KATNIP: variants seen among roughly 807,000 people sequenced by gnomAD.
KATNIP encodes katanin-interacting protein.
In KATNIP, 126 loss-of-function variants were observed where a neutral mutation model predicts 174.0. The observed-to-expected ratio is 0.72, with a 90% CI of 0.63 to 0.84. The LOEUF (loss-of-function observed/expected upper bound fraction) is 0.84, where lower values mean the gene tolerates loss of function less well. Among genes scored for constraint, KATNIP ranks in the 40% least tolerant of loss-of-function variants. KATNIP has a pLI of 0.00. For synonymous variants in KATNIP, 810 were observed against 835.7 expected (o/e 0.97, Z 0.53); for missense variants, 1,958 against 2,109.7 (o/e 0.93, Z 1.41).
At chr16:27,578,462 C>A (rs2090578147) in intron 2 of KATNIP, among the ~76,000 whole-genome samples, 1 of 152,068 alleles carries the variant, frequency 6.6e-6, no homozygotes, top group Admixed American at 6.6e-5. Context: ...GAGGCAAAAC[C>A]AAAGAAGAGA....
At chr16:27,750,337 GCC>G in intron 16 of KATNIP, 31 bp downstream of exon 16, 2 of 1,572,200 alleles carry the variant, frequency 1.3e-6, no homozygotes, top group Non-Finnish European at 1.7e-6. Context: ...TTTTCTCAGA[GCC>G]CCTATCTGTG....
At chr16:27,654,521 G>A in intron 6 of KATNIP, 1 of 1,185,654 alleles carries the variant, frequency 8.4e-7, no homozygotes, top group Non-Finnish European at 1.1e-6. Context: ...GGGAGGCAGG[G>A]AGACCAACAG....
At chr16:27,552,450 C>A (rs2089423441) in intron 1 of KATNIP, among the ~76,000 whole-genome samples, 2 of 151,266 alleles carry the variant, frequency 1.3e-5, no homozygotes, top group Non-Finnish European at 2.9e-5. Flanking sequence ...TCTCAGCTCA[C>A]TGCAACCTCT....
intron 8 of KATNIP, among the ~76,000 whole-genome samples, chr16:27,694,397 TC>T (rs1401127401): frequency 6.6e-6 from 1 of 152,198 alleles, no homozygotes; most frequent in East Asian, 1.9e-4. Flanking sequence ...TATACATAGA[TC>T]CCCCAAGATG....
At chr16:27,705,856 T>C (rs117378358) in intron 12 of KATNIP, among the ~76,000 whole-genome samples, 410 of 152,028 alleles carry the variant, frequency 2.7e-3, no homozygotes, top group Non-Finnish European at 4.1e-3. Flanking sequence ...TTAAAAAAAT[T>C]TTGTAGAGAT....
intron 1 of KATNIP, among the ~76,000 whole-genome samples, chr16:27,569,281 A>G (rs1567444842): frequency 6.6e-6 from 1 of 152,248 alleles, no homozygotes; most frequent in Non-Finnish European, 1.5e-5. Flanking sequence ...ATCTTCATCT[A>G]GAGCAAAGTG....
intron 2 of KATNIP, among the ~76,000 whole-genome samples, chr16:27,613,923 G>T (rs367944223): frequency 1.3e-5 from 2 of 152,066 alleles, no homozygotes; most frequent in East Asian, 1.9e-4. Flanking sequence ...GTTGTTTCTC[G>T]GGTTTTTTAG....
At chr16:27,662,784 A>C (rs2077566298) in intron 6 of KATNIP, among the ~76,000 whole-genome samples, 1 of 152,214 alleles carries the variant, frequency 6.6e-6, no homozygotes, top group African/African-American at 2.4e-5. Context: ...AGAATTTCTT[A>C]GGTATGATGT....
intron 3 of KATNIP, among the ~76,000 whole-genome samples, chr16:27,620,108 A>G (rs1010986125): frequency 1.3e-5 from 2 of 152,228 alleles, no homozygotes; most frequent in Non-Finnish European, 2.9e-5. Flanking sequence ...GCACTGGCCA[A>G]TAGTATAAAT....
intron 1 of KATNIP, among the ~76,000 whole-genome samples, chr16:27,572,362 A>AACACACACACACACACACACAC (rs3056269): frequency 8.0e-5 from 11 of 138,148 alleles, no homozygotes; most frequent in South Asian, 2.4e-4. Flanking sequence ...CAAAAAAGAA[A>AACACACACACACACACACACAC]ACACACACAC....
intron 4 of KATNIP, among the ~76,000 whole-genome samples, chr16:27,629,244 G>A (rs931119594): frequency 9.9e-5 from 15 of 151,288 alleles, no homozygotes; most frequent in African/African-American, 3.4e-4. Context: ...AACTACACCC[G>A]CATGGCCAGA....
chr16:27,742,694 G>T (rs908714016), intron 15 of KATNIP, among the ~76,000 whole-genome samples: 4 of 152,170 alleles, frequency 2.6e-5, no homozygotes, highest in African/African-American at 9.7e-5. Flanking sequence ...GATCATACTT[G>T]TGGGGCATTT....
chr16:27,661,033 C>G (rs923148539), intron 6 of KATNIP, among the ~76,000 whole-genome samples: 1 of 152,146 alleles, frequency 6.6e-6, no homozygotes, highest in African/African-American at 2.4e-5. Context: ...GCACCCTGAC[C>G]AGCCCACACA....
chr16:27,616,137 C>A lies in KATNIP; in HGVS notation c.64-2288C>A, dbSNP rs116079787. On this transcript the variant is annotated intron_variant, in intron 2 of 27. Transcript: ENST00000261588. Reference sequence around the variant, plus strand: ...CTGTAGTACCAACACTTTGGGAGGCCAAGGTGGGAGGACCACCTGAGTTCA... The same window carrying A: ...CTGTAGTACCAACACTTTGGGAGGCAAAGGTGGGAGGACCACCTGAGTTCA... Among the ~76,000 whole-genome samples the A allele has an allele frequency of 9.8e-3, 1,490 of 152,282 alleles. 24 individuals are homozygous for A. The highest frequency in any genetic ancestry group is 0.034 in the African/African-American group (1,433 of 41,552).
At chr16:27,699,484 G>T in intron 9 of KATNIP, 50 bp from the exon 10 acceptor site, 2 of 1,610,408 alleles carry the variant, frequency 1.2e-6, no homozygotes, top group Admixed American at 3.4e-5. Flanking sequence ...GAACAGCATG[G>T]AGTGAATGGC....
chr16:27,645,481 A>G (rs1356283016), intron 5 of KATNIP, among the ~76,000 whole-genome samples: 1 of 152,232 alleles, frequency 6.6e-6, no homozygotes, highest in Non-Finnish European at 1.5e-5. Flanking sequence ...ACACAAAAGT[A>G]ACAAGTGCCC....
intron 22 of KATNIP, 59 bp downstream of exon 22, chr16:27,771,711 G>T: frequency 6.5e-7 from 1 of 1,547,474 alleles, no homozygotes. Flanking sequence ...CGCCTGGGCC[G>T]CAACTGCCCA....
At chr16:27,616,408 T>C (rs941058348) in intron 2 of KATNIP, among the ~76,000 whole-genome samples, 6 of 151,830 alleles carry the variant, frequency 4.0e-5, no homozygotes, top group Admixed American at 2.6e-4. Flanking sequence ...GCATTGTTTA[T>C]TGTATGATCC....
Position 27,750,043 on chromosome 16 carries a change from C to CCCG in KATNIP, c.3085_3087dup (p.Arg1029dup), listed in dbSNP as rs773803155. The CCCG allele has an allele frequency of 2.5e-6, 4 of 1,614,044 alleles. No homozygotes were observed. The Admixed American group carries it at 6.7e-5, about 27-fold the overall frequency. ...ATTTTACCAGCCTATGGGAAAGACCCCCGCGTGGTCACCAACCTCATCGAC... is the reference window on the plus strand; with the variant it reads ...ATTTTACCAGCCTATGGGAAAGACCCCCGCCGCGTGGTCACCAACCTCATCGAC... On this transcript the variant is annotated inframe_insertion, in exon 16 of 28. Transcript: ENST00000261588.
Sources: gnomAD v4.1 joint callset for allele counts (sites outside exome capture counted in the v4.1 genomes callset) on GRCh38, gnomAD v4.1.1 for gene constraint, MANE v1.5 for transcripts, NCBI Gene and HGNC (gene_info 2026-07-23, HGNC 2026-07-21) for gene names.